Variants in SIM2 observed in about 807,000 individuals in gnomAD.
SIM2 encodes SIM bHLH transcription factor 2, also known as single-minded homolog 2.
In SIM2, 28 loss-of-function variants were observed where a neutral mutation model predicts 64.8. The ratio of observed to expected loss-of-function variants is 0.43; its 90% CI spans 0.32 to 0.59. The LOEUF (loss-of-function observed/expected upper bound fraction) is 0.59, where lower values mean the gene tolerates loss of function less well. Among genes scored for constraint, SIM2 ranks in the 20% least tolerant of loss-of-function variants. SIM2 has a pLI of 0.07. For missense variants in SIM2, 847 were observed against 871.4 expected (o/e 0.97, Z 0.35); for synonymous variants, 408 against 391.1 (o/e 1.04, Z -0.51).
intron 7 of SIM2, among the ~76,000 whole-genome samples, chr21:36,733,986 C>T (rs1484980505): frequency 6.6e-6 from 1 of 152,148 alleles, no homozygotes; most frequent in Non-Finnish European, 1.5e-5. Flanking sequence ...GACCTGCGGG[C>T]AGTTTGGGGA....
chr21:36,711,429 A>C (rs1357849451), intron 2 of SIM2, among the ~76,000 whole-genome samples: 2 of 152,246 alleles, frequency 1.3e-5, no homozygotes, highest in African/African-American at 4.8e-5. Flanking sequence ...CAACCTTAGC[A>C]TCGGGGAAGG....
chr21:36,741,888 C>A (rs1250755710), intron 8 of SIM2, 24 bp downstream of exon 8: 1 of 1,532,874 alleles, frequency 6.5e-7, no homozygotes, highest in South Asian at 1.2e-5. Flanking sequence ...ATTTGTTTCT[C>A]TCCTTGCTCT....
At position 36,731,111 on chromosome 21, in the gene SIM2, C is replaced by G; in HGVS notation, c.810C>G (p.His270Gln). The change falls in exon 7 of 11, where the codon CAC becomes CAG. Residue 270 changes from histidine to glutamine, a missense_variant. Physicochemically the swap from His to Gln is conservative, Grantham distance 24. Around this residue, in one of 3 missense-constraint regions of SIM2, gnomAD observed 397 missense variants for 439.2 expected, o/e 0.90. Transcript: ENST00000290399. ...LIEKTLYHHV[H>Q]GCDVFHLRYA... ...AGAAGACCCTATACCATCACGTGCA[C>G]GGCTGCGACGTGTTCCACCTCCGCT... The G allele has an allele frequency of 6.2e-7, 1 of 1,614,016 alleles. No individual in the cohort carries two copies. The highest frequency in any genetic ancestry group is 8.5e-7 in the Non-Finnish European group (1 of 1,180,000).
intron 7 of SIM2, among the ~76,000 whole-genome samples, chr21:36,738,057 C>T (rs1014060413): frequency 6.0e-5 from 9 of 150,618 alleles, no homozygotes; most frequent in Admixed American, 5.3e-4. Context: ...GGTTGAAGAG[C>T]TTAGCGAGCA....
Position 36,747,543 on chromosome 21 carries a change from C to T in SIM2, c.1577-122C>T, listed in dbSNP as rs1401374561. ...CCTAGACTAAGGCGGGGGAGGGCGA[C>T]AGCGACCCCGCGGGTGCAGCGCGTG... On this transcript the variant is annotated intron_variant, in intron 10 of 10. Coordinates refer to ENST00000290399, the MANE Select transcript of SIM2 (RefSeq NM_005069.6). This position sits in a 1 kb window ranked among gnomAD's most constrained non-coding sequence, Gnocchi z 4.5. 30 of 597,132 alleles carry T rather than the reference C, an allele frequency of 5.0e-5. No homozygotes were observed. Among genetic ancestry groups the T allele is most frequent in the Non-Finnish European group, 6.4e-5 (28 of 440,048 alleles). 37.0% of individuals were successfully genotyped at this position (597,132 alleles called of 1,614,324 possible).
chr21:36,723,264 G>T, intron 5 of SIM2, 134 bp downstream of exon 5: 1 of 707,452 alleles, frequency 1.4e-6, no homozygotes, highest in South Asian at 1.6e-5. Flanking sequence ...CCAGCAACGT[G>T]GTGCACAGTC....
Position 36,749,203 on chromosome 21 carries a change from T to C in SIM2, c.*1111T>C, listed in dbSNP as rs558879331. On this transcript the variant is annotated 3_prime_UTR_variant, in exon 11 of 11. Transcript: ENST00000290399. ...CCATTAATTTTTACTTTTTATGGGT[T>C]TTGCTTAAAGATCTCAACATGGAAA... 1 of 152,656 alleles carries C rather than the reference T, an allele frequency of 6.6e-6. No homozygotes were observed. The highest frequency in any genetic ancestry group is 1.5e-5 in the Non-Finnish European group (1 of 68,038). 9.5% of individuals were successfully genotyped at this position (152,656 alleles called of 1,614,324 possible).
chr21:36,746,781 G>A (rs1347378864), intron 10 of SIM2, among the ~76,000 whole-genome samples: 2 of 152,130 alleles, frequency 1.3e-5, no homozygotes, highest in Non-Finnish European at 2.9e-5. Context: ...CAAAGCAAAG[G>A]GTTTTGATAA....
rs776065813 is a variant in SIM2 at position 36,699,970 on chromosome 21, C to A, written c.175+49C>A. On this transcript the variant is annotated intron_variant, in intron 1 of 10. Coordinates refer to ENST00000290399, the MANE Select transcript of SIM2 (RefSeq NM_005069.6). The surrounding 1 kb of genome is among the most constrained non-coding windows in gnomAD (Gnocchi z 5.6). ...GGGACGCTGGGGAGCCCGGCGGCCC[C>A]GGCCCAGGCGGGAAGCGCAAGCCAG... 2 of 1,515,838 alleles carry A rather than the reference C, an allele frequency of 1.3e-6. No individual in the cohort carries two copies. The highest frequency in any genetic ancestry group is 4.9e-5 in the Admixed American group (2 of 40,886). The allele number at this position is 1,515,838 out of a possible 1,614,324, so 93.9% of individuals were successfully genotyped here.
chr21:36,701,754 G>A (rs895469752), intron 1 of SIM2, among the ~76,000 whole-genome samples: 3 of 152,200 alleles, frequency 2.0e-5, no homozygotes, highest in Non-Finnish European at 4.4e-5. Context: ...CACTCCGGTT[G>A]ATGTTTTAGG....
At position 36,747,222 on chromosome 21, in the gene SIM2, C is replaced by T. The variant is rs938129062; in HGVS notation, c.1577-443C>T. Among the ~76,000 whole-genome samples, 8 of 152,184 alleles carry T rather than the reference C, an allele frequency of 5.3e-5. No homozygotes were observed. The highest frequency in any genetic ancestry group is 1.0e-4 in the Non-Finnish European group (7 of 67,994). ...GACGGGGGCCCTCCAACACCAGGGC[C>T]CCTGGTGGCCTCTAGACCTCTGCCG... is the stretch of plus-strand genomic sequence containing the variant. On this transcript the variant is annotated intron_variant, in intron 10 of 10. Coordinates refer to ENST00000290399, the MANE Select transcript of SIM2 (RefSeq NM_005069.6). This position sits in a 1 kb window ranked among gnomAD's most constrained non-coding sequence, Gnocchi z 4.5.
chr21:36,731,157 T>G lies in SIM2; in HGVS notation c.850+6T>G. On this transcript the variant is annotated splice_donor_region_variant and intron_variant, in intron 7 of 10. Coordinates refer to ENST00000290399, the MANE Select transcript of SIM2 (RefSeq NM_005069.6). ...CCGCTACGCACACCACCTCCGTGAG[T>G]AGCACGCCCACCCCAGCCACGGGAG... 5.6e-6 allele frequency: 9 copies of G among 1,610,700 alleles called. No individual in the cohort carries two copies. Among genetic ancestry groups the G allele is most frequent in the Non-Finnish European group, 7.6e-6 (9 of 1,177,614 alleles).
At position 36,745,135 on chromosome 21, in the gene SIM2, A is replaced by C; in HGVS notation, c.1575A>C (p.Glu525Asp). 1 of 1,607,650 alleles carries C rather than the reference A, an allele frequency of 6.2e-7. No homozygotes were observed. The highest frequency in any genetic ancestry group is 8.5e-7 in the Non-Finnish European group (1 of 1,176,598). The stretch of plus-strand genomic sequence containing the variant: ...GGCACAGCCTGGTGCCAAGCTACGA[A>C]GGTGGGTCAGGTCTGCTCGTGGGGA... ...TARHSLVPSYEAPAAAVRRFG... is the reference protein window; with the variant it reads ...TARHSLVPSYDAPAAAVRRFG... The change falls in exon 10 of 11, where the codon GAA becomes GAC. Residue 525 changes from glutamate (E) to aspartate (D), a missense_variant and splice_region_variant. By Grantham distance (45) the Glu-to-Asp change is conservative (BLOSUM62 2). Coordinates refer to ENST00000290399, the MANE Select transcript of SIM2 (RefSeq NM_005069.6). The surrounding 1 kb of genome is among the most constrained non-coding windows in gnomAD (Gnocchi z 4.8).
rs61252184 is a variant in SIM2, at chr21:36,737,961, C to CAAAAAAAAAAAAAAAAAAAAAA, written c.851-3735_851-3734insAAAAAAAAAAAAAAAAAAAAAA. 2.6e-3 allele frequency among the ~76,000 whole-genome samples: 89 copies of CAAAAAAAAAAAAAAAAAAAAAA among 34,122 alleles called. 10 individuals carry two copies. Among genetic ancestry groups the CAAAAAAAAAAAAAAAAAAAAAA allele is most frequent in the East Asian group, 4.9e-3 (5 of 1,022 alleles). The allele number at this position is 34,122 out of a possible 152,430, so 22.4% of individuals were successfully genotyped here. ...TGGGCAAAAGAGCAAGACCCTGTCT[C>CAAAAAAAAAAAAAAAAAAAAAA]AAAAAAAAAAAAAAAAAAAAAGCAA... On this transcript the variant is annotated intron_variant, in intron 7 of 10. Transcript: ENST00000290399.
At chr21:36,712,044 G>C (rs764605659) in intron 2 of SIM2, among the ~76,000 whole-genome samples, 16 of 152,186 alleles carry the variant, frequency 1.1e-4, no homozygotes, top group Non-Finnish European at 1.9e-4. Context: ...CAGTGGTAGT[G>C]TTCGGAATTT....
intron 1 of SIM2, among the ~76,000 whole-genome samples, chr21:36,704,251 C>T (rs1010775290): frequency 6.6e-6 from 1 of 152,192 alleles, no homozygotes; most frequent in East Asian, 1.9e-4. Context: ...GGAATCAAAG[C>T]GACTTGATTT....
At chr21:36,744,623 G>A in intron 9 of SIM2, 105 bp from the exon 10 acceptor site, 5 of 1,380,610 alleles carry the variant, frequency 3.6e-6, no homozygotes, top group Non-Finnish European at 4.8e-6. Flanking sequence ...GGTAGGGGCA[G>A]CCCTTGGATG....
At chr21:36,729,623 GC>G (rs954160944) in intron 6 of SIM2, among the ~76,000 whole-genome samples, 9 of 150,828 alleles carry the variant, frequency 6.0e-5, no homozygotes, top group Non-Finnish European at 1.3e-4. Flanking sequence ...CCCAGCCCCA[GC>G]CCTCCCTCTT....
intron 1 of SIM2, among the ~76,000 whole-genome samples, chr21:36,705,423 C>A (rs1189538357): frequency 1.3e-5 from 2 of 152,236 alleles, no homozygotes. Flanking sequence ...CCTACCCCAG[C>A]TCCCCCTGGG....
Sources: gnomAD v4.1 joint callset for allele counts (sites outside exome capture counted in the v4.1 genomes callset) on GRCh38, gnomAD v4.1.1 for gene constraint, gnomAD v4.1.1 regional missense constraint, Gnocchi (gnomAD v3.1) non-coding constraint, MANE v1.5 for transcripts, NCBI Gene and HGNC (gene_info 2026-07-23, HGNC 2026-07-21) for gene names.